Variants in SAMD8 observed in about 807,000 individuals in gnomAD.
The protein encoded by SAMD8 is sphingomyelin synthase-related protein 1.
In SAMD8, 20 loss-of-function variants were observed where a neutral mutation model predicts 42.0. The ratio of observed to expected loss-of-function variants is 0.48; its 90% CI spans 0.34 to 0.69. The LOEUF is 0.69. SAMD8 is among the 30% of genes least tolerant of loss of function. The probability of loss-of-function intolerance (pLI) is 0.01; values close to 1 mark genes in which losing one functional copy is unlikely to be tolerated. For missense variants in SAMD8, 328 were observed against 511.6 expected, an observed-to-expected ratio of 0.64 and a Z score of 3.46; for synonymous variants, 162 against 173.0, an observed-to-expected ratio of 0.94 and a Z score of 0.50.
chr10:75,120,996 T>C (rs1255438425), intron 1 of SAMD8, among the ~76,000 whole-genome samples: 1 of 151,846 alleles, frequency 6.6e-6, no homozygotes, highest in African/African-American at 2.4e-5. Context: ...CAGGCTTGTC[T>C]TGAAGTCTTA....
chr10:75,151,908 T>G (rs1840296868), intron 2 of SAMD8, among the ~76,000 whole-genome samples: 1 of 152,076 alleles, frequency 6.6e-6, no homozygotes, highest in African/African-American at 2.4e-5. Context: ...AGACTGGTCT[T>G]GAACTCCTGA....
intron 1 of SAMD8, among the ~76,000 whole-genome samples, chr10:75,124,023 C>T (rs1047917750): frequency 2.0e-5 from 3 of 152,160 alleles, no homozygotes; most frequent in Non-Finnish European, 2.9e-5. Context: ...CCACTGCACC[C>T]AGCCGGTCTT....
intron 3 of SAMD8, among the ~76,000 whole-genome samples, chr10:75,167,127 C>T (rs1840702812): frequency 6.6e-6 from 1 of 152,124 alleles, no homozygotes; most frequent in African/African-American, 2.4e-5. Context: ...GACAGTTACT[C>T]AGAATTTTTA....
At chr10:75,143,791 G>A (rs1445324504) in intron 1 of SAMD8, among the ~76,000 whole-genome samples, 1 of 151,892 alleles carries the variant, frequency 6.6e-6, no homozygotes, top group Non-Finnish European at 1.5e-5. Flanking sequence ...GGATACACAT[G>A]TTTATGGTTT....
chr10:75,135,218 C>T (rs1468743670), intron 1 of SAMD8, among the ~76,000 whole-genome samples: 7 of 151,972 alleles, frequency 4.6e-5, no homozygotes, highest in Admixed American at 2.6e-4. Context: ...TTTGGGAGGC[C>T]GAGGCGGGCT....
chr10:75,119,557 G>C (rs770519906), intron 1 of SAMD8, among the ~76,000 whole-genome samples: 16 of 152,170 alleles, frequency 1.1e-4, no homozygotes, highest in Non-Finnish European at 1.8e-4. Flanking sequence ...ACAGAATTTA[G>C]AATAGAGGAC....
Position 75,150,674 on chromosome 10 carries a change from A to G in SAMD8, c.146A>G (p.Glu49Gly). 1 of 1,614,188 alleles carries G rather than the reference A, an allele frequency of 6.2e-7. No homozygotes were observed. The change falls in exon 2 of 6, where the codon GAA (glutamate) becomes GGA (glycine). Residue 49 changes from glutamate (E) to glycine (G), a missense_variant. This residue lies in a region of SAMD8 where 150 missense variants were observed against 186.0 expected (regional missense o/e 0.81). Coordinates refer to ENST00000542569, the MANE Select transcript of SAMD8 (RefSeq NM_001174156.2). ...GGAATCACATTGCTAACATTGACTG[A>G]ATATGATCTCCGGTCTCCTCCTCTG... is the stretch of plus-strand genomic sequence containing the variant. Reference protein sequence around the residue: ...LDGITLLTLTEYDLRSPPLEI... With the variant: ...LDGITLLTLTGYDLRSPPLEI...
intron 2 of SAMD8, among the ~76,000 whole-genome samples, chr10:75,161,408 C>T (rs749772614): frequency 5.9e-5 from 9 of 152,058 alleles, no homozygotes; most frequent in Non-Finnish European, 8.8e-5. Flanking sequence ...CAGATCTCTG[C>T]GCACCCTGAG....
At chr10:75,134,023 G>A in intron 1 of SAMD8, among the ~76,000 whole-genome samples, 1 of 152,152 alleles carries the variant, frequency 6.6e-6, no homozygotes, top group Admixed American at 6.6e-5. Context: ...TAGTGCTGCA[G>A]TGAACATACG....
intron 2 of SAMD8, among the ~76,000 whole-genome samples, chr10:75,151,370 A>G (rs534650168): frequency 2.0e-5 from 3 of 152,082 alleles, no homozygotes; most frequent in African/African-American, 7.2e-5. Context: ...TTTTATTTTG[A>G]GACAGTCTCA....
intron 1 of SAMD8, chr10:75,104,089 G>A: frequency 7.4e-7 from 1 of 1,351,910 alleles, no homozygotes; most frequent in Non-Finnish European, 9.9e-7. Context: ...CAGGGAGTAA[G>A]GACCAGCTCT....
At chr10:75,109,069 G>GC, upstream of SAMD8, 1 of 1,612,272 alleles carries the variant, frequency 6.2e-7, no homozygotes, top group Middle Eastern at 1.7e-4. Context: ...AGACTTCCCT[G>GC]CCCGCAGGAG....
intron 1 of SAMD8, among the ~76,000 whole-genome samples, chr10:75,101,372 C>G (rs1848146718): frequency 6.6e-6 from 1 of 152,184 alleles, no homozygotes; most frequent in Admixed American, 6.5e-5. Context: ...TATAATTACT[C>G]TTACCCTTTC....
intron 2 of SAMD8, among the ~76,000 whole-genome samples, chr10:75,151,553 C>T (rs1015630027): frequency 1.3e-5 from 2 of 151,976 alleles, no homozygotes; most frequent in African/African-American, 2.4e-5. Context: ...AGAGTCCCAC[C>T]GTGTTGCCCA....
chr10:75,167,065 A>G (rs971797918), intron 3 of SAMD8, among the ~76,000 whole-genome samples: 1 of 152,188 alleles, frequency 6.6e-6, no homozygotes, highest in Non-Finnish European at 1.5e-5. Flanking sequence ...CCTCAGGAAT[A>G]TTAGTCCAAC....
intron 1 of SAMD8, among the ~76,000 whole-genome samples, chr10:75,137,946 TTGCCCCACAAC>T: frequency 6.6e-6 from 1 of 152,336 alleles, no homozygotes; most frequent in East Asian, 1.9e-4. Context: ...CCACTACTAC[TTGCCCCACAAC>T]TGCAGCTGCT....
chr10:75,175,085 G>T (rs1478083032), intron 4 of SAMD8, among the ~76,000 whole-genome samples: 1 of 152,170 alleles, frequency 6.6e-6, no homozygotes, highest in Non-Finnish European at 1.5e-5. Context: ...ACCTCCAGTT[G>T]AATGAGTCTG....
At chr10:75,134,843 G>A (rs76743353) in intron 1 of SAMD8, among the ~76,000 whole-genome samples, 2 of 151,922 alleles carry the variant, frequency 1.3e-5, no homozygotes, top group East Asian at 3.9e-4. Flanking sequence ...GATCACTTGG[G>A]CCTAGAAGTT....
upstream of SAMD8, chr10:75,107,956 G>T (rs543023320): frequency 1.2e-4 from 187 of 1,579,552 alleles, 1 homozygote; most frequent in East Asian, 4.3e-3. Context: ...CCATGAATGA[G>T]CAAGATGGGA....
Sources: gnomAD v4.1 joint callset for allele counts (sites outside exome capture counted in the v4.1 genomes callset) on GRCh38, gnomAD v4.1.1 for gene constraint, gnomAD v4.1.1 regional missense constraint, MANE v1.5 for transcripts, NCBI Gene and HGNC (gene_info 2026-07-23, HGNC 2026-07-21) for gene names.